HDHD2: variants seen among roughly 807,000 people sequenced by gnomAD.
The protein encoded by HDHD2 is haloacid dehalogenase like hydrolase domain containing 2.
In HDHD2, 26 loss-of-function variants were observed where a neutral mutation model predicts 24.8. The ratio of observed to expected loss-of-function variants is 1.05; its 90% CI spans 0.77 to 1.45. HDHD2 has a LOEUF of 1.45. Ranked by LOEUF, HDHD2 falls within the 40% of genes most tolerant of loss-of-function variation. The pLI, the probability that HDHD2 is intolerant of heterozygous loss-of-function variation, is 0.00. For synonymous variants in HDHD2, 128 were observed against 114.9 expected, an observed-to-expected ratio of 1.11 and a Z score of -0.73; for missense variants, 299 against 313.4, an observed-to-expected ratio of 0.95 and a Z score of 0.35.
At chr18:47,117,691 T>C (rs1157968268) in intron 4 of HDHD2, among the ~76,000 whole-genome samples, 1 of 152,190 alleles carries the variant, frequency 6.6e-6, no homozygotes, top group Non-Finnish European at 1.5e-5. Context: ...TATAAGCCTA[T>C]TGGAGGCCAG....
chr18:47,122,005 C>CAT (rs777983167), intron 4 of HDHD2, among the ~76,000 whole-genome samples: 45 of 151,768 alleles, frequency 3.0e-4, no homozygotes, highest in Non-Finnish European at 5.6e-4. Flanking sequence ...TTTTTTCCTT[C>CAT]ATATCACTTG....
intron 4 of HDHD2, among the ~76,000 whole-genome samples, chr18:47,124,631 G>A (rs1487656329): frequency 3.3e-5 from 5 of 150,008 alleles, no homozygotes; most frequent in Non-Finnish European, 4.4e-5. Flanking sequence ...GCTTGAACCC[G>A]GGAGGCAGAG....
chr18:47,117,264 T>C (rs2063565079), intron 4 of HDHD2, among the ~76,000 whole-genome samples: 1 of 152,222 alleles, frequency 6.6e-6, no homozygotes, highest in South Asian at 2.1e-4. Flanking sequence ...GCTGTGACTA[T>C]GGCTTGTCCC....
chr18:47,111,057 T>C (rs576940095), intron 6 of HDHD2: 3 of 985,412 alleles, frequency 3.0e-6, no homozygotes, highest in Non-Finnish European at 3.6e-6. Context: ...CCAATGAAGC[T>C]GGCTGTTCCA....
intron 4 of HDHD2, among the ~76,000 whole-genome samples, chr18:47,126,348 T>C (rs2063657893): frequency 6.6e-6 from 1 of 152,182 alleles, no homozygotes. Flanking sequence ...CTTTCTTTCT[T>C]TTCTTCCCTT....
chr18:47,116,824 T>C (rs190118730), intron 4 of HDHD2, among the ~76,000 whole-genome samples: 78 of 152,258 alleles, frequency 5.1e-4, no homozygotes, highest in African/African-American at 1.8e-3. Flanking sequence ...TCCACTTATA[T>C]AGCCTAAACT....
At chr18:47,111,367 TAAAA>T (rs547835822) in intron 6 of HDHD2, 99 of 884,372 alleles carry the variant, frequency 1.1e-4, no homozygotes, top group East Asian at 1.4e-4. Context: ...TTACATGAGC[TAAAA>T]AAAAAAAAAA....
At chr18:47,116,074 T>G (rs562703444) in intron 4 of HDHD2, among the ~76,000 whole-genome samples, 12 of 152,080 alleles carry the variant, frequency 7.9e-5, no homozygotes, top group Admixed American at 3.9e-4. Context: ...ATTCTACCTA[T>G]AGCTAAGAAT....
At chr18:47,136,516 T>G in intron 1 of HDHD2, 67 bp from the exon 2 acceptor site, 2 of 1,263,900 alleles carry the variant, frequency 1.6e-6, no homozygotes, top group Non-Finnish European at 2.2e-6. Flanking sequence ...AACTGGTAAG[T>G]ATTCAAAAAT....
intron 4 of HDHD2, among the ~76,000 whole-genome samples, chr18:47,117,288 T>C (rs549972579): frequency 9.8e-5 from 15 of 152,338 alleles, no homozygotes; most frequent in African/African-American, 3.6e-4. Context: ...AAAATTTATC[T>C]GTTGGGAAAT....
At chr18:47,134,278 G>T (rs1429222212) in intron 3 of HDHD2, 1 of 571,806 alleles carries the variant, frequency 1.7e-6, no homozygotes, top group Non-Finnish European at 3.1e-6. Context: ...CACACATATA[G>T]ATATGTATTA....
At chr18:47,109,937 T>C (rs1599917797) in intron 6 of HDHD2, 1 of 978,636 alleles carries the variant, frequency 1.0e-6, no homozygotes. Context: ...AACTATCCTA[T>C]AAATATCTTT....
intron 1 of HDHD2, among the ~76,000 whole-genome samples, chr18:47,141,259 G>A (rs1043511853): frequency 5.9e-5 from 9 of 152,134 alleles, no homozygotes; most frequent in African/African-American, 2.2e-4. Context: ...GTCAATTAAT[G>A]TTAAGACAAT....
At chr18:47,134,165 T>C (rs1242092649) in intron 3 of HDHD2, among the ~76,000 whole-genome samples, 1 of 152,206 alleles carries the variant, frequency 6.6e-6, no homozygotes, top group Admixed American at 6.5e-5. Flanking sequence ...GTAAAACTAA[T>C]TTGGAGGGCT....
chr18:47,120,017 C>T (rs910047324), intron 4 of HDHD2, among the ~76,000 whole-genome samples: 1 of 152,280 alleles, frequency 6.6e-6, no homozygotes, highest in Non-Finnish European at 1.5e-5. Flanking sequence ...TGTCTTGGAA[C>T]ATTCAATAAA....
chr18:47,144,264 A>G (rs1025509657), intron 1 of HDHD2, among the ~76,000 whole-genome samples: 1 of 152,178 alleles, frequency 6.6e-6, no homozygotes, highest in African/African-American at 2.4e-5. Context: ...TTCAGGGAAT[A>G]AAAGATAAAC....
At chr18:47,145,045 A>T (rs998939620) in intron 1 of HDHD2, among the ~76,000 whole-genome samples, 3 of 152,192 alleles carry the variant, frequency 2.0e-5, no homozygotes, top group Non-Finnish European at 2.9e-5. Flanking sequence ...CACATGAAAG[A>T]CTATCAGTGT....
intron 6 of HDHD2, chr18:47,111,043 T>G: frequency 1.0e-6 from 1 of 985,324 alleles, no homozygotes; most frequent in Non-Finnish European, 1.2e-6. Flanking sequence ...TGAGTTAAAA[T>G]TTACCAATGA....
Position 47,150,435 on chromosome 18 carries a change from C to G in HDHD2, c.-68G>C, listed in dbSNP as rs79391299. 1,051 of 152,526 alleles carry G rather than the reference C, an allele frequency of 6.9e-3. 5 individuals carry two copies. The highest frequency in any genetic ancestry group is 0.011 in the Non-Finnish European group (766 of 68,158). The allele number at this position is 152,526 out of a possible 1,614,324, so 9.4% of individuals were successfully genotyped here. Reference sequence around the variant, plus strand: ...CCCGCTAATGGCAAAGCCAGCCACCCGCACTGGCCGCGGGTCCTCAGCCGG... The same window carrying G: ...CCCGCTAATGGCAAAGCCAGCCACCGGCACTGGCCGCGGGTCCTCAGCCGG... On this transcript the variant is annotated 5_prime_UTR_variant, in exon 1 of 7. Coordinates refer to ENST00000300605, the MANE Select transcript of HDHD2 (RefSeq NM_032124.5).
Sources: gnomAD v4.1 joint callset for allele counts (sites outside exome capture counted in the v4.1 genomes callset) on GRCh38, gnomAD v4.1.1 for gene constraint, MANE v1.5 for transcripts, NCBI Gene and HGNC (gene_info 2026-07-23, HGNC 2026-07-21) for gene names.